Variants in CACNA1B observed in about 807,000 individuals in gnomAD.
The protein encoded by CACNA1B is calcium voltage-gated channel subunit alpha1 B, also known as voltage-dependent N-type calcium channel subunit alpha-1B.
In CACNA1B, 70 loss-of-function variants were observed where a neutral mutation model predicts 247.2. The observed-to-expected ratio is 0.28, with a 90% CI of 0.23 to 0.35. CACNA1B has a LOEUF of 0.35. Among genes scored for constraint, CACNA1B ranks in the 10% least tolerant of loss-of-function variants. The probability of loss-of-function intolerance (pLI) is 1.00; values close to 1 mark genes in which losing one functional copy is unlikely to be tolerated. For missense variants in CACNA1B, 2,367 were observed against 3,197.4 expected, an observed-to-expected ratio of 0.74 and a Z score of 6.26; for synonymous variants, 1,231 against 1,294.4, an observed-to-expected ratio of 0.95 and a Z score of 1.05.
chr9:137,919,753 G>A lies in CACNA1B; in HGVS notation c.966+2322G>A, dbSNP rs1957456080. 6.6e-6 allele frequency among the ~76,000 whole-genome samples: 1 copy of A among 152,262 alleles called. No homozygotes were observed. The highest frequency in any genetic ancestry group is 1.5e-5 in the Non-Finnish European group (1 of 68,048). The stretch of plus-strand genomic sequence containing the variant: ...AGCTCAGTCCGTGTTGGGAGCAGGA[G>A]TGGGGGTGTGAGCAACAGCGGGCAG... On this transcript the variant is annotated intron_variant, in intron 6 of 46. Transcript: ENST00000371372. This position sits in a 1 kb window ranked among gnomAD's most constrained non-coding sequence, Gnocchi z 4.6.
chr9:137,967,770 C>G (rs1958098150), intron 10 of CACNA1B, among the ~76,000 whole-genome samples: 7 of 152,220 alleles, frequency 4.6e-5, no homozygotes, highest in Admixed American at 4.6e-4. Context: ...GACTTGCTCT[C>G]TGTCTGCCCC....
rs1030791524 is a variant in CACNA1B, at chr9:138,000,148, G to A, written c.1975-6619G>A. On this transcript the variant is annotated intron_variant, in intron 15 of 46. Coordinates refer to ENST00000371372, the MANE Select transcript of CACNA1B (RefSeq NM_000718.4). ...GAGTCTCGCTCTGTCGCCCAGGCTG[G>A]AGTGCAGTGGTGCGATCTCGGCTCA... is the stretch of plus-strand genomic sequence containing the variant. 2.8e-4 allele frequency among the ~76,000 whole-genome samples: 42 copies of A among 150,708 alleles called. 2 individuals are homozygous for A. Among genetic ancestry groups the A allele is most frequent in the African/African-American group, 9.3e-4 (38 of 41,004 alleles).
Position 137,971,457 on chromosome 9 carries a change from A to T in CACNA1B, c.1408A>T (p.Met470Leu), listed in dbSNP as rs1438479353. The change falls in exon 11 of 47, where the codon ATG becomes TTG. Residue 470 changes from methionine (M) to leucine (L), a missense_variant. By Grantham distance (15) the Met-to-Leu change is conservative. Coordinates refer to ENST00000371372, the MANE Select transcript of CACNA1B (RefSeq NM_000718.4). The surrounding 1 kb of genome is among the most constrained non-coding windows in gnomAD (Gnocchi z 4.4). ...SSSYFRRKEK[M>L]FRFFIRRMVK... Reference sequence around the variant, plus strand: ...GTCATACTTCCGGAGGAAGGAGAAGATGTTCCGGTTTTTTATCCGGCGCAT... The same window carrying T: ...GTCATACTTCCGGAGGAAGGAGAAGTTGTTCCGGTTTTTTATCCGGCGCAT... The T allele has an allele frequency of 1.2e-5, 19 of 1,613,502 alleles. No individual in the cohort carries two copies. Among genetic ancestry groups the T allele is most frequent in the South Asian group, 2.2e-5 (2 of 90,992 alleles).
intron 20 of CACNA1B, among the ~76,000 whole-genome samples, chr9:138,036,409 G>A (rs1959046366): frequency 6.6e-6 from 1 of 152,220 alleles, no homozygotes; most frequent in Admixed American, 6.5e-5. Flanking sequence ...AAAGTGCTGG[G>A]ATTACAGGCG....
At position 138,097,906 on chromosome 9, in the gene CACNA1B, C is replaced by T. The variant is rs887183648; in HGVS notation, c.5222+1295C>T. ...GACTAGACTTCCCCACCCTCCTTTC[C>T]ACTCAGCCTCCCCGGAGCACCCCCA... is the stretch of plus-strand genomic sequence containing the variant. On this transcript the variant is annotated intron_variant, in intron 37 of 46. Transcript: ENST00000371372. Among the ~76,000 whole-genome samples, 7 of 152,286 alleles carry T rather than the reference C, an allele frequency of 4.6e-5. No homozygotes were observed. The South Asian group carries it at 8.3e-4, about 18-fold the overall frequency.
At chr9:138,034,738 T>A (rs1242337977) in intron 20 of CACNA1B, among the ~76,000 whole-genome samples, 1 of 152,172 alleles carries the variant, frequency 6.6e-6, no homozygotes, top group Non-Finnish European at 1.5e-5. Context: ...CTTTCTTCCT[T>A]CTACCTGTTA....
chr9:138,024,071 G>C (rs1255674536), intron 19 of CACNA1B, among the ~76,000 whole-genome samples: 1 of 152,230 alleles, frequency 6.6e-6, no homozygotes, highest in African/African-American at 2.4e-5. Flanking sequence ...TGTGCTCCGT[G>C]AATGCCAGCC....
At position 137,919,473 on chromosome 9, in the gene CACNA1B, G is replaced by A. The variant is rs565197878; in HGVS notation, c.966+2042G>A. 1.8e-4 allele frequency among the ~76,000 whole-genome samples: 27 copies of A among 152,356 alleles called. No homozygotes were observed. In the South Asian group the frequency reaches 5.4e-3, roughly 30 times the overall value. On this transcript the variant is annotated intron_variant, in intron 6 of 46. Transcript: ENST00000371372. This position sits in a 1 kb window ranked among gnomAD's most constrained non-coding sequence, Gnocchi z 4.6. The stretch of plus-strand genomic sequence containing the variant: ...AGTGCCTGGGGCTGGCGCCACACAA[G>A]GCCCCAGAGCAGGTAGCCAAGAACC...
chr9:137,929,090 G>A (rs1043946949), intron 6 of CACNA1B, among the ~76,000 whole-genome samples: 1 of 152,088 alleles, frequency 6.6e-6, no homozygotes, highest in East Asian at 1.9e-4. Context: ...CATTTCTCTT[G>A]GGTATGGACC....
chr9:138,079,742 C>CA (rs141292393), intron 36 of CACNA1B, among the ~76,000 whole-genome samples: 9,640 of 41,414 alleles, frequency 0.23, 1,194 homozygotes, highest in East Asian at 0.47. Flanking sequence ...GACTCCATCT[C>CA]AAAAAAAAAA....
Position 137,986,861 on chromosome 9 carries a change from C to T in CACNA1B, c.1974+7C>T. ...CATCCTCACTGTCTTCCAGGTAAGGCACCTGCTCTGCACATTTGCGGCCTG... is the reference window on the plus strand; with the variant it reads ...CATCCTCACTGTCTTCCAGGTAAGGTACCTGCTCTGCACATTTGCGGCCTG... On this transcript the variant is annotated splice_region_variant and intron_variant, in intron 15 of 46. Transcript: ENST00000371372. The surrounding 1 kb of genome is among the most constrained non-coding windows in gnomAD (Gnocchi z 6.0). 6.2e-7 allele frequency: 1 copy of T among 1,611,080 alleles called. No individual in the cohort carries two copies. Among genetic ancestry groups the T allele is most frequent in the East Asian group, 2.2e-5 (1 of 44,862 alleles).
chr9:138,025,223 G>T (rs1958907187), intron 20 of CACNA1B, 51 bp downstream of exon 20: 3 of 1,281,058 alleles, frequency 2.3e-6, no homozygotes, highest in Non-Finnish European at 3.3e-6. Flanking sequence ...TGCAGGTCCA[G>T]CAACCCCCAT....
chr9:137,986,860 G>A lies in CACNA1B; in HGVS notation c.1974+6G>A, dbSNP rs771403727. On this transcript the variant is annotated splice_donor_region_variant and intron_variant, in intron 15 of 46. Transcript: ENST00000371372. The surrounding 1 kb of genome is among the most constrained non-coding windows in gnomAD (Gnocchi z 6.0). ...CCATCCTCACTGTCTTCCAGGTAAG[G>A]CACCTGCTCTGCACATTTGCGGCCT... 1.3e-5 allele frequency: 21 copies of A among 1,611,834 alleles called. No individual in the cohort carries two copies. In the East Asian group the frequency reaches 4.2e-4, roughly 33 times the overall value.
chr9:137,918,873 C>T (rs1163963275), intron 6 of CACNA1B, among the ~76,000 whole-genome samples: 2 of 152,216 alleles, frequency 1.3e-5, no homozygotes, highest in African/African-American at 4.8e-5. Flanking sequence ...TGTCTGATGA[C>T]AGGCTTGTGT....
rs1957377315 is a variant in CACNA1B, at chr9:137,913,264, G to A, written c.615G>A (p.Gly205=). Residue 205 remains glycine (G), a synonymous_variant, in exon 4 of 47, where the codon GGG becomes GGA. Transcript: ENST00000371372. This position sits in a 1 kb window ranked among gnomAD's most constrained non-coding sequence, Gnocchi z 5.2. The stretch of plus-strand genomic sequence containing the variant: ...TGAGGCCCCTGAAGCTGGTGTCTGG[G>A]ATTCCAAGTGAGTCCAGCGAAGACA... ...RVLRPLKLVS[G]IPSLQVVLKS... The A allele has an allele frequency of 2.5e-6, 4 of 1,613,372 alleles. No individual in the cohort carries two copies. Among genetic ancestry groups the A allele is most frequent in the Middle Eastern group, 1.6e-4 (1 of 6,062 alleles).
chr9:138,013,755 T>G (rs568522676), intron 18 of CACNA1B, among the ~76,000 whole-genome samples: 11 of 152,144 alleles, frequency 7.2e-5, no homozygotes, highest in Non-Finnish European at 1.3e-4. Context: ...TATTTGGAGG[T>G]GTTAGGGGCT....
At chr9:137,929,837 A>T (rs1460062153) in intron 6 of CACNA1B, among the ~76,000 whole-genome samples, 2 of 152,034 alleles carry the variant, frequency 1.3e-5, no homozygotes, top group Admixed American at 6.5e-5. Flanking sequence ...AATTTTTTGT[A>T]GAGATGAGGT....
intron 21 of CACNA1B, among the ~76,000 whole-genome samples, chr9:138,046,192 T>C (rs1452591243): frequency 6.6e-6 from 1 of 152,208 alleles, no homozygotes; most frequent in Non-Finnish European, 1.5e-5. Flanking sequence ...CCTGTTCTGG[T>C]CACCCCTGTG....
chr9:138,023,681 C>A lies in CACNA1B; in HGVS notation c.2938C>A (p.Arg980=). 6.6e-7 allele frequency: 1 copy of A among 1,509,782 alleles called. No homozygotes were observed. Among genetic ancestry groups the A allele is most frequent in the Non-Finnish European group, 8.9e-7 (1 of 1,128,262 alleles). The allele number at this position is 1,509,782 out of a possible 1,614,324, so 93.5% of individuals were successfully genotyped here. Residue 980 remains arginine, a synonymous_variant, in exon 19 of 47, where the codon CGG becomes AGG. Coordinates refer to ENST00000371372, the MANE Select transcript of CACNA1B (RefSeq NM_000718.4). ...ESGEEPARRH[R]ARHKAQPAHE... ...CGGGGAGGAGCCGGCGCGGCGGCAC[C>A]GGGCCCGGCACAAGGCGCAGCCTGC...
Sources: gnomAD v4.1 joint callset for allele counts (sites outside exome capture counted in the v4.1 genomes callset) on GRCh38, gnomAD v4.1.1 for gene constraint, Gnocchi (gnomAD v3.1) non-coding constraint, MANE v1.5 for transcripts, NCBI Gene and HGNC (gene_info 2026-07-23, HGNC 2026-07-21) for gene names.